Variants in CCDC18 observed in about 807,000 individuals in gnomAD.
CCDC18 encodes the protein coiled-coil domain-containing protein 18.
CCDC18 carries 157 observed loss-of-function variants against 196.0 expected under a neutral mutation model. The ratio of observed to expected loss-of-function variants is 0.80; its 90% confidence interval spans 0.70 to 0.91. The LOEUF is 0.91. CCDC18 is among the 40% of genes least tolerant of loss of function. CCDC18 has a pLI of 0.00. For missense variants in CCDC18, 1,465 were observed against 1,611.6 expected, an observed-to-expected ratio of 0.91 and a Z score of 1.56; for synonymous variants, 482 against 529.2, an observed-to-expected ratio of 0.91 and a Z score of 1.22.
At chr1:93,181,362 G>A (rs1359959035) in intron 1 of CCDC18, among the ~76,000 whole-genome samples, 1 of 151,972 alleles carries the variant, frequency 6.6e-6, no homozygotes, top group Non-Finnish European at 1.5e-5. Flanking sequence ...AAGAACACTT[G>A]TCCTTCGTTT....
At chr1:93,210,153 T>G (rs1443544573) in intron 9 of CCDC18, among the ~76,000 whole-genome samples, 1 of 152,244 alleles carries the variant, frequency 6.6e-6, no homozygotes, top group Non-Finnish European at 1.5e-5. Context: ...TTAGAAAATG[T>G]GATTTTTTTC....
rs1557720243 is a variant in CCDC18 at position 93,270,781 on chromosome 1, G to T, written c.4320G>T (p.Lys1440Asn). 6.5e-7 allele frequency: 1 copy of T among 1,544,066 alleles called. No individual in the cohort carries two copies. Among genetic ancestry groups the T allele is most frequent in the South Asian group, 1.2e-5 (1 of 83,322 alleles). The change falls in exon 28 of 29, where the codon AAG (lysine) becomes AAT (asparagine). Residue 1440 changes from lysine to asparagine, a missense_variant. Transcript: ENST00000690025. ...YINKEVRLLKKSSMQTGAGLN... is the reference protein window; with the variant it reads ...YINKEVRLLKNSSMQTGAGLN... ...ACAAAGAAGTAAGACTATTAAAAAA[G>T]TCTTCTATGCAAACAGGTGCTGGTT...
At chr1:93,182,615 A>G (rs1448052518) in intron 1 of CCDC18, among the ~76,000 whole-genome samples, 2 of 152,238 alleles carry the variant, frequency 1.3e-5, no homozygotes, top group Non-Finnish European at 2.9e-5. Context: ...TGTGATTTTT[A>G]TATGCAAAGA....
intron 23 of CCDC18, among the ~76,000 whole-genome samples, chr1:93,250,383 A>AG (rs1287962776): frequency 4.6e-5 from 7 of 151,146 alleles, no homozygotes; most frequent in Admixed American, 2.0e-4. Context: ...CCTGTCAAAA[A>AG]AAAAAAAAAA....
At chr1:93,196,349 G>T (rs1329114880) in intron 6 of CCDC18, among the ~76,000 whole-genome samples, 1 of 123,810 alleles carries the variant, frequency 8.1e-6, no homozygotes, top group Non-Finnish European at 1.9e-5. Context: ...AGAATGGAAA[G>T]AAATGTTTCA....
intron 6 of CCDC18, among the ~76,000 whole-genome samples, chr1:93,195,104 C>G (rs907169798): frequency 1.3e-5 from 2 of 152,160 alleles, no homozygotes; most frequent in East Asian, 1.9e-4. Context: ...CTCCTGACCT[C>G]AAGTGATCCA....
intron 17 of CCDC18, 96 bp downstream of exon 17, chr1:93,226,545 T>A: frequency 1.1e-5 from 3 of 284,108 alleles, no homozygotes; most frequent in East Asian, 7.7e-5. Context: ...ATATATATAT[T>A]TCTTTTGAGA....
intron 26 of CCDC18, among the ~76,000 whole-genome samples, chr1:93,263,125 A>G (rs184573317): frequency 7.2e-5 from 11 of 152,146 alleles, no homozygotes; most frequent in Admixed American, 5.9e-4. Context: ...CTGGCCCACA[A>G]AACCATTTTT....
At chr1:93,235,278 G>A (rs1303249331) in intron 18 of CCDC18, among the ~76,000 whole-genome samples, 1 of 152,120 alleles carries the variant, frequency 6.6e-6, no homozygotes. Context: ...CCTAGGGAGA[G>A]AATATAGAAT....
At chr1:93,250,661 A>G (rs930118557) in intron 23 of CCDC18, among the ~76,000 whole-genome samples, 4 of 152,118 alleles carry the variant, frequency 2.6e-5, no homozygotes, top group African/African-American at 9.7e-5. Flanking sequence ...GGGTGCATAG[A>G]TATTTATAAT....
intron 23 of CCDC18, among the ~76,000 whole-genome samples, chr1:93,249,211 G>C (rs910100739): frequency 6.6e-6 from 1 of 152,126 alleles, no homozygotes; most frequent in African/African-American, 2.4e-5. Context: ...GTGGGTCCAG[G>C]AATTTATCCA....
chr1:93,204,475 T>C (rs1654380629), intron 7 of CCDC18, among the ~76,000 whole-genome samples: 1 of 152,132 alleles, frequency 6.6e-6, no homozygotes. Flanking sequence ...TTTGCTAAAC[T>C]TTTGAGAGAA....
In CCDC18 at chr1:93,207,288, T is replaced by C. The variant is rs1266806706; in HGVS notation, c.1099T>C (p.Leu367=). ...KFSLMNENRE[L]KVRVAAQNER... is the part of the protein sequence containing the mutation. ...TTCTTTAATGAATGAAAACCGAGAA[T>C]TAAAGGTCCGTGTTGCAGCACAGAA... The change falls in exon 9 of 29, where the codon TTA becomes CTA. Residue 367 remains leucine, a synonymous_variant. Coordinates refer to ENST00000690025, the MANE Select transcript of CCDC18 (RefSeq NM_001378204.1). The C allele has an allele frequency of 6.2e-7, 1 of 1,613,508 alleles. No homozygotes were observed. Among genetic ancestry groups the C allele is most frequent in the Non-Finnish European group, 8.5e-7 (1 of 1,179,744 alleles).
intron 6 of CCDC18, among the ~76,000 whole-genome samples, chr1:93,198,225 T>C (rs901915329): frequency 1.3e-5 from 2 of 152,244 alleles, no homozygotes; most frequent in African/African-American, 4.8e-5. Flanking sequence ...ATTTTATTCA[T>C]TGTTAAATGT....
At chr1:93,241,581 G>T (rs977897817) in intron 21 of CCDC18, among the ~76,000 whole-genome samples, 1 of 151,894 alleles carries the variant, frequency 6.6e-6, no homozygotes, top group African/African-American at 2.4e-5. Flanking sequence ...AATCAGCCAG[G>T]TGTGGTGGCA....
intron 26 of CCDC18, 23 bp from the exon 27 acceptor site, chr1:93,264,678 T>G: frequency 6.9e-7 from 1 of 1,441,350 alleles, no homozygotes; most frequent in Non-Finnish European, 9.5e-7. Flanking sequence ...TTTTTTTTCT[T>G]TTCCAATTCT....
intron 10 of CCDC18, among the ~76,000 whole-genome samples, chr1:93,211,507 C>T (rs777219316): frequency 1.3e-5 from 2 of 152,054 alleles, no homozygotes; most frequent in Non-Finnish European, 2.9e-5. Flanking sequence ...TCCCATTTTT[C>T]CCCTAAGTAT....
chr1:93,201,376 G>T (rs752692976), intron 6 of CCDC18, among the ~76,000 whole-genome samples: 1 of 152,146 alleles, frequency 6.6e-6, no homozygotes, highest in African/African-American at 2.4e-5. Flanking sequence ...ACAAGGTTCG[G>T]CTTAAAGAGT....
intron 1 of CCDC18, among the ~76,000 whole-genome samples, chr1:93,182,381 T>C (rs1395419220): frequency 6.6e-6 from 1 of 152,174 alleles, no homozygotes; most frequent in African/African-American, 2.4e-5. Flanking sequence ...TCTAAGTACA[T>C]TGCGGTCCTG....
Sources: gnomAD v4.1 joint callset for allele counts (sites outside exome capture counted in the v4.1 genomes callset) on GRCh38, gnomAD v4.1.1 for gene constraint, MANE v1.5 for transcripts, NCBI Gene and HGNC (gene_info 2026-07-23, HGNC 2026-07-21) for gene names.